The following ALOX5 variants were observed in gnomAD, a reference collection of about 807,000 sequenced individuals.
ALOX5 encodes the protein polyunsaturated fatty acid 5-lipoxygenase.
A neutral mutation model predicts 87.9 loss-of-function variants in ALOX5; 64 were observed. That is an observed-to-expected ratio of 0.73 (90% confidence interval 0.60 to 0.90). The LOEUF is 0.90. ALOX5 is among the 40% of genes least tolerant of loss of function. The pLI is 0.00. For synonymous variants in ALOX5, 388 were observed against 355.1 expected (o/e 1.09, Z -1.04); for missense variants, 822 against 907.5 (o/e 0.91, Z 1.21).
intron 3 of ALOX5, among the ~76,000 whole-genome samples, chr10:45,408,914 C>T (rs760895657): frequency 3.3e-5 from 5 of 152,164 alleles, no homozygotes; most frequent in Non-Finnish European, 5.9e-5. Context: ...AATTAGTTGT[C>T]GAATGAACAC....
At chr10:45,418,318 T>G (rs1841370467) in intron 4 of ALOX5, among the ~76,000 whole-genome samples, 1 of 152,026 alleles carries the variant, frequency 6.6e-6, no homozygotes, top group South Asian at 2.1e-4. Flanking sequence ...AGGAAAGTCG[T>G]CTAAGTTCCC....
chr10:45,410,546 C>T (rs1372923638), intron 3 of ALOX5, among the ~76,000 whole-genome samples: 1 of 152,198 alleles, frequency 6.6e-6, no homozygotes, highest in East Asian at 1.9e-4. Flanking sequence ...GGAGAGGCTA[C>T]TGGGCCAAGA....
At chr10:45,419,737 T>A (rs1471792643) in intron 4 of ALOX5, among the ~76,000 whole-genome samples, 3 of 151,846 alleles carry the variant, frequency 2.0e-5, no homozygotes, top group Non-Finnish European at 2.9e-5. Context: ...AGACCCTGTT[T>A]CAAAAGGCAC....
intron 7 of ALOX5, among the ~76,000 whole-genome samples, chr10:45,440,115 G>A (rs3780913): frequency 6.6e-6 from 1 of 152,208 alleles, no homozygotes; most frequent in Non-Finnish European, 1.5e-5. Context: ...CTGGGCCTTC[G>A]GCCTGCCCGC....
intron 10 of ALOX5, 99 bp from the exon 11 acceptor site, chr10:45,443,317 C>G (rs1054950197): frequency 1.9e-6 from 3 of 1,579,558 alleles, no homozygotes; most frequent in African/African-American, 1.3e-5. Flanking sequence ...TGAATGGGGA[C>G]GGGGTGGGGG....
intron 2 of ALOX5, among the ~76,000 whole-genome samples, chr10:45,386,306 AAAAAAAAAAATTAGCC>A (rs1472267150): frequency 1.3e-5 from 2 of 151,714 alleles, no homozygotes; most frequent in African/African-American, 4.8e-5. Context: ...GTCTCAAAAA[AAAAAAAAAAATTAGCC>A]AGGTGTGGTG....
At chr10:45,401,602 A>G (rs1381924100) in intron 3 of ALOX5, among the ~76,000 whole-genome samples, 1 of 152,110 alleles carries the variant, frequency 6.6e-6, no homozygotes, top group East Asian at 1.9e-4. Context: ...ACATTATTCT[A>G]GTTTCTATGT....
intron 3 of ALOX5, among the ~76,000 whole-genome samples, chr10:45,397,834 T>C (rs1197055281): frequency 6.6e-6 from 1 of 152,252 alleles, no homozygotes; most frequent in Non-Finnish European, 1.5e-5. Flanking sequence ...TTTAACATTA[T>C]TAAAGAAGAT....
At chr10:45,443,990 G>A (rs2132865857) in intron 12 of ALOX5, 126 bp from the exon 13 acceptor site, 2 of 1,437,566 alleles carry the variant, frequency 1.4e-6, no homozygotes, top group East Asian at 2.5e-5. Flanking sequence ...GCTGGCCGCG[G>A]GGAAAGAGGA....
intron 2 of ALOX5, among the ~76,000 whole-genome samples, chr10:45,394,840 C>T (rs1045730320): frequency 4.6e-5 from 7 of 152,274 alleles, no homozygotes; most frequent in Admixed American, 1.3e-4. Context: ...ATGCAGCCAA[C>T]AGACACATGA....
intron 4 of ALOX5, among the ~76,000 whole-genome samples, chr10:45,414,745 A>T (rs978376910): frequency 6.6e-6 from 1 of 152,244 alleles, no homozygotes; most frequent in Non-Finnish European, 1.5e-5. Context: ...CTTACAAGAA[A>T]AAAACAACCC....
intron 1 of ALOX5, among the ~76,000 whole-genome samples, chr10:45,380,325 C>T (rs567501326): frequency 4.6e-4 from 70 of 152,356 alleles, no homozygotes; most frequent in Non-Finnish European, 3.1e-4. Flanking sequence ...GAAACTGTTC[C>T]TAGGGCCTCT....
chr10:45,401,257 G>A (rs1589006317), intron 3 of ALOX5, among the ~76,000 whole-genome samples: 1 of 152,314 alleles, frequency 6.6e-6, no homozygotes, highest in East Asian at 1.9e-4. Flanking sequence ...CTGGGCTGTG[G>A]AGGGGCCTTT....
intron 3 of ALOX5, 81 bp from the exon 4 acceptor site, chr10:45,412,109 TG>T (rs772000733): frequency 1.1e-5 from 18 of 1,581,684 alleles, no homozygotes; most frequent in Non-Finnish European, 1.6e-5. Flanking sequence ...TAACATCGTC[TG>T]ACAGTGTGGG....
chr10:45,384,789 A>ACC (rs141834949), intron 2 of ALOX5, among the ~76,000 whole-genome samples: 1 of 150,768 alleles, frequency 6.6e-6, no homozygotes, highest in African/African-American at 2.4e-5. Context: ...GGGGATGCAG[A>ACC]CCCCCCCATC....
chr10:45,429,123 T>C (rs1841832189), intron 7 of ALOX5, among the ~76,000 whole-genome samples: 1 of 152,176 alleles, frequency 6.6e-6, no homozygotes, highest in South Asian at 2.1e-4. Flanking sequence ...CCATGGGTTC[T>C]GGGGTCAGGA....
At chr10:45,398,045 T>C (rs1051133937) in intron 3 of ALOX5, among the ~76,000 whole-genome samples, 2 of 152,026 alleles carry the variant, frequency 1.3e-5, no homozygotes, top group African/African-American at 4.8e-5. Flanking sequence ...AAAACAATCT[T>C]GATAAAAAGA....
chr10:45,419,021 G>C (rs1841402506), intron 4 of ALOX5, among the ~76,000 whole-genome samples: 1 of 152,226 alleles, frequency 6.6e-6, no homozygotes, highest in African/African-American at 2.4e-5. Context: ...CTCCGGGAAG[G>C]GTGGCGGATG....
chr10:45,427,496 G>A (rs985119977), intron 6 of ALOX5, among the ~76,000 whole-genome samples: 3 of 152,346 alleles, frequency 2.0e-5, no homozygotes, highest in South Asian at 2.1e-4. Flanking sequence ...GCCAGGCTCC[G>A]AGCTCCTGCC....
Sources: gnomAD v4.1 joint callset for allele counts (sites outside exome capture counted in the v4.1 genomes callset) on GRCh38, gnomAD v4.1.1 for gene constraint, MANE v1.5 for transcripts, NCBI Gene and HGNC (gene_info 2026-07-23, HGNC 2026-07-21) for gene names.